AGO2: variants seen among roughly 807,000 people sequenced by gnomAD.
AGO2 encodes the protein argonaute RISC catalytic component 2, also known as protein argonaute-2.
A neutral mutation model predicts 102.3 loss-of-function variants in AGO2; 5 were observed. The ratio of observed to expected loss-of-function variants is 0.05; its 90% confidence interval spans 0.03 to 0.10. AGO2 has a LOEUF of 0.10. Among genes scored for constraint, AGO2 ranks in the 10% least tolerant of loss-of-function variants. The pLI, the probability that AGO2 is intolerant of heterozygous loss-of-function variation, is 1.00. For synonymous variants in AGO2, 449 were observed against 473.1 expected (o/e 0.95, Z 0.66); for missense variants, 541 against 1,183.7 (o/e 0.46, Z 7.97).
chr8:140,552,887 T>C (rs1314405091), intron 10 of AGO2, among the ~76,000 whole-genome samples: 2 of 152,182 alleles, frequency 1.3e-5, no homozygotes, highest in African/African-American at 4.8e-5. Context: ...CCCCAAGTTG[T>C]GACAATAAAA....
chr8:140,600,541 G>A lies in AGO2; in HGVS notation c.23-15230C>T, dbSNP rs1463078016. On this transcript the variant is annotated intron_variant, in intron 1 of 18. Transcript: ENST00000220592. ...ACTACAAATACAAAATTAGCCGGGC[G>A]TGGTGGCGCATGCCTGTAATCCCAG... Among the ~76,000 whole-genome samples the A allele has an allele frequency of 5.3e-5, 8 of 152,196 alleles. No individual in the cohort carries two copies. In the East Asian group the frequency reaches 7.7e-4, roughly 15 times the overall value.
intron 1 of AGO2, among the ~76,000 whole-genome samples, chr8:140,600,585 C>T (rs2133049618): frequency 6.6e-6 from 1 of 151,288 alleles, no homozygotes; most frequent in South Asian, 2.1e-4. Flanking sequence ...GAGGCTGAGG[C>T]AGGAGAATTG....
chr8:140,532,216 T>G, intron 18 of AGO2, 64 bp from the exon 19 acceptor site: 1 of 1,508,964 alleles, frequency 6.6e-7, no homozygotes. Flanking sequence ...AGGCAGTGCG[T>G]CGATCACTAA....
At chr8:140,538,227 A>G (rs1429425010) in intron 16 of AGO2, among the ~76,000 whole-genome samples, 9 of 152,160 alleles carry the variant, frequency 5.9e-5, no homozygotes, top group Admixed American at 6.5e-5. Context: ...GTGTCCTTGC[A>G]CAGCCGTGCC....
intron 17 of AGO2, among the ~76,000 whole-genome samples, chr8:140,534,368 G>C (rs759865886): frequency 2.0e-5 from 3 of 152,250 alleles, no homozygotes; most frequent in Non-Finnish European, 4.4e-5. Context: ...CCGACTAGAA[G>C]GGAAGACTGA....
At chr8:140,624,798 A>T (rs925286756) in intron 1 of AGO2, among the ~76,000 whole-genome samples, 1 of 152,264 alleles carries the variant, frequency 6.6e-6, no homozygotes, top group Non-Finnish European at 1.5e-5. Context: ...ATCTTCTGAA[A>T]CATCTGTCAA....
chr8:140,574,479 G>A (rs1000366156), intron 2 of AGO2, among the ~76,000 whole-genome samples: 17 of 152,026 alleles, frequency 1.1e-4, no homozygotes, highest in Non-Finnish European at 2.4e-4. Context: ...GCTCAGGCTG[G>A]TCTCGAACTC....
At chr8:140,547,382 C>T in intron 13 of AGO2, 86 bp downstream of exon 13, 1 of 1,528,256 alleles carries the variant, frequency 6.5e-7, no homozygotes, top group Non-Finnish European at 8.8e-7. Flanking sequence ...ACCCTGCCCC[C>T]CTGCCCCCTG....
rs568380561 is a variant in AGO2, at chr8:140,531,271, G to A, written c.*773C>T. ...AGACCCGTATTCTTTAAAAACTTTGGAAAATAAATGTCACAGTCCTATAGG... is the reference window on the plus strand; with the variant it reads ...AGACCCGTATTCTTTAAAAACTTTGAAAAATAAATGTCACAGTCCTATAGG... On this transcript the variant is annotated 3_prime_UTR_variant, in exon 19 of 19. Coordinates refer to ENST00000220592, the MANE Select transcript of AGO2 (RefSeq NM_012154.5). The A allele has an allele frequency of 2.6e-5, 4 of 152,616 alleles. No individual in the cohort carries two copies. Among genetic ancestry groups the A allele is most frequent in the Admixed American group, 2.6e-4 (4 of 15,288 alleles). The allele number at this position is 152,616 out of a possible 1,614,324, so 9.5% of individuals were successfully genotyped here.
In AGO2 at chr8:140,527,532, C is replaced by A. The variant is rs1452920370; in HGVS notation, c.*4512G>T. On this transcript the variant is annotated 3_prime_UTR_variant, in exon 19 of 19. Transcript: ENST00000220592. This position sits in a 1 kb window ranked among gnomAD's most constrained non-coding sequence, Gnocchi z 6.0. The stretch of plus-strand genomic sequence containing the variant: ...AGCGTGTGTGTGTGTAACAGGGGCA[C>A]CCCCATGACAAAGTCACAGGTGCAC... 1 of 153,062 alleles carries A rather than the reference C, an allele frequency of 6.5e-6. No homozygotes were observed. Among genetic ancestry groups the A allele is most frequent in the South Asian group, 2.1e-4 (1 of 4,806 alleles). 9.5% of individuals were successfully genotyped at this position (153,062 alleles called of 1,614,324 possible).
chr8:140,639,988 TTCCTC>T (rs2074431485), upstream of AGO2, among the ~76,000 whole-genome samples: 2 of 151,382 alleles, frequency 1.3e-5, no homozygotes, highest in Non-Finnish European at 2.9e-5. Context: ...GGCCCTCTGT[TTCCTC>T]TCAAGTTGCC....
intron 3 of AGO2, among the ~76,000 whole-genome samples, chr8:140,570,034 C>G (rs900185218): frequency 6.6e-6 from 1 of 152,206 alleles, no homozygotes; most frequent in Non-Finnish European, 1.5e-5. Context: ...GGACACGATG[C>G]GAGAAGATGG....
Position 140,562,521 on chromosome 8 carries a change from C to A in AGO2, c.450G>T (p.Arg150=). ...TCGTCTCAAAAGGGACGCTGGGCAGCCGCCCTGAAAGTGCATCGTGTAACG... is the reference window on the plus strand; with the variant it reads ...TCGTCTCAAAAGGGACGCTGGGCAGACGCCCTGAAAGTGCATCGTGTAACG... The part of the protein sequence containing the change: ...LQALHDALSG[R]LPSVPFETIQ... The change falls in exon 4 of 19, where the codon CGG becomes CGT. Residue 150 remains arginine, a synonymous_variant. Coordinates refer to ENST00000220592, the MANE Select transcript of AGO2 (RefSeq NM_012154.5). 1 of 1,614,078 alleles carries A rather than the reference C, an allele frequency of 6.2e-7. No homozygotes were observed. The highest frequency in any genetic ancestry group is 1.3e-5 in the African/African-American group (1 of 75,070).
At chr8:140,619,376 A>T (rs1022948527) in intron 1 of AGO2, among the ~76,000 whole-genome samples, 1 of 152,236 alleles carries the variant, frequency 6.6e-6, no homozygotes, top group Non-Finnish European at 1.5e-5. Context: ...AATGTCTTAC[A>T]CTAGACGCAA....
At chr8:140,535,185 G>T (rs2072674595) in intron 17 of AGO2, among the ~76,000 whole-genome samples, 1 of 152,174 alleles carries the variant, frequency 6.6e-6, no homozygotes, top group Non-Finnish European at 1.5e-5. Flanking sequence ...CCAAGCTCCA[G>T]CCACACCACA....
At chr8:140,628,831 A>G (rs982890388) in intron 1 of AGO2, among the ~76,000 whole-genome samples, 4 of 152,130 alleles carry the variant, frequency 2.6e-5, no homozygotes, top group African/African-American at 9.7e-5. Flanking sequence ...CACACCTGTA[A>G]TCCCAGCACT....
At chr8:140,618,728 T>C (rs2074175592) in intron 1 of AGO2, among the ~76,000 whole-genome samples, 1 of 149,584 alleles carries the variant, frequency 6.7e-6, no homozygotes, top group South Asian at 2.1e-4. Flanking sequence ...CCTGGGAGGC[T>C]GAGGTGGGAG....
intron 3 of AGO2, chr8:140,572,151 G>T (rs2073388467): frequency 6.6e-6 from 1 of 152,208 alleles, no homozygotes; most frequent in African/African-American, 2.4e-5. Context: ...CTTCTGGGCA[G>T]AAATTTTATT....
upstream of AGO2, among the ~76,000 whole-genome samples, chr8:140,639,480 G>GAAA (rs36037273): frequency 0.011 from 1,534 of 139,700 alleles, 20 homozygotes; most frequent in East Asian, 0.04. Flanking sequence ...AACTCCATCT[G>GAAA]AAAAAAAAAA....
Sources: allele counts gnomAD v4.1 joint callset (sites outside exome capture counted in the v4.1 genomes callset), GRCh38; gene constraint gnomAD v4.1.1; non-coding constraint Gnocchi (gnomAD v3.1); transcripts MANE v1.5; gene names NCBI Gene and HGNC (gene_info 2026-07-23, HGNC 2026-07-21).